Variants in KALRN observed in about 807,000 individuals in gnomAD.
KALRN encodes the protein kalirin.
Under a neutral mutation model 353.7 loss-of-function variants are expected in KALRN, and 70 were observed. The ratio of observed to expected loss-of-function variants is 0.20; its 90% confidence interval spans 0.16 to 0.24. The LOEUF (loss-of-function observed/expected upper bound fraction) is 0.24. KALRN is among the 10% of genes least tolerant of loss of function. The pLI, the probability that KALRN is intolerant of heterozygous loss-of-function variation, is 1.00. For missense variants in KALRN, 2,791 were observed against 3,756.7 expected, an observed-to-expected ratio of 0.74 and a Z score of 6.72; for synonymous variants, 1,391 against 1,434.8, an observed-to-expected ratio of 0.97 and a Z score of 0.69.
intron 11 of KALRN, among the ~76,000 whole-genome samples, chr3:124,389,593 T>C (rs889782999): frequency 4.6e-5 from 7 of 152,232 alleles, no homozygotes; most frequent in Non-Finnish European, 1.5e-5. Context: ...ATGTTTCACA[T>C]TGGGTGATTT....
chr3:124,289,745 G>A (rs2076265038), intron 5 of KALRN, among the ~76,000 whole-genome samples: 1 of 152,110 alleles, frequency 6.6e-6, no homozygotes, highest in Non-Finnish European at 1.5e-5. Context: ...AATTTATTTG[G>A]CTTCTTAATA....
chr3:124,165,123 C>T (rs1178684208), intron 1 of KALRN, among the ~76,000 whole-genome samples: 1 of 152,178 alleles, frequency 6.6e-6, no homozygotes, highest in African/African-American at 2.4e-5. Context: ...TAACATTGTT[C>T]AGAGTTTTAA....
At chr3:124,328,039 A>G (rs2080101989) in intron 7 of KALRN, among the ~76,000 whole-genome samples, 1 of 152,186 alleles carries the variant, frequency 6.6e-6, no homozygotes, top group East Asian at 1.9e-4. Flanking sequence ...TGCTTACTAA[A>G]CAGTGGACAT....
At chr3:124,424,338 C>T (rs891283387) in intron 15 of KALRN, among the ~76,000 whole-genome samples, 14 of 152,098 alleles carry the variant, frequency 9.2e-5, no homozygotes, top group Non-Finnish European at 1.9e-4. Flanking sequence ...CATGCTGAAA[C>T]TTTTGGAATT....
intron 33 of KALRN, among the ~76,000 whole-genome samples, chr3:124,546,509 G>A (rs2109427295): frequency 1.3e-5 from 2 of 152,194 alleles, no homozygotes; most frequent in Middle Eastern, 6.8e-3. Context: ...GCAGACAGTG[G>A]TGATTTTAAC....
At chr3:124,703,302 G>GA (rs1369299295) in intron 57 of KALRN, among the ~76,000 whole-genome samples, 2 of 151,768 alleles carry the variant, frequency 1.3e-5, no homozygotes, top group Non-Finnish European at 2.9e-5. Flanking sequence ...CCAAACAGAA[G>GA]AAAAAAAGCC....
intron 1 of KALRN, among the ~76,000 whole-genome samples, chr3:124,063,820 A>G (rs1033042797): frequency 7.9e-5 from 12 of 152,166 alleles, no homozygotes; most frequent in Non-Finnish European, 1.6e-4. Flanking sequence ...GGTGTTCCAT[A>G]TGTAAAGCAC....
intron 53 of KALRN, 80 bp from the exon 54 acceptor site, chr3:124,696,054 G>A: frequency 6.7e-7 from 1 of 1,500,854 alleles, no homozygotes; most frequent in Non-Finnish European, 9.2e-7. Flanking sequence ...AGCACACCAT[G>A]GGCCAACCCT....
At chr3:124,147,094 C>T (rs943421956) in intron 1 of KALRN, among the ~76,000 whole-genome samples, 3 of 152,000 alleles carry the variant, frequency 2.0e-5, no homozygotes, top group Admixed American at 2.0e-4. Context: ...CTTTGTTTTG[C>T]GAGGCTTGAA....
intron 1 of KALRN, among the ~76,000 whole-genome samples, chr3:124,168,637 C>G (rs908140643): frequency 1.3e-5 from 2 of 152,198 alleles, no homozygotes; most frequent in African/African-American, 4.8e-5. Flanking sequence ...AGAGGTGACT[C>G]TACCCTCTCT....
chr3:124,189,694 C>A (rs886913390), intron 1 of KALRN, among the ~76,000 whole-genome samples: 1 of 152,192 alleles, frequency 6.6e-6, no homozygotes, highest in South Asian at 2.1e-4. Flanking sequence ...AATCCTAGCA[C>A]CTTGGGAGGC....
At chr3:124,456,468 T>C (rs943041155) in intron 22 of KALRN, 142 bp from the exon 23 acceptor site, 1 of 504,852 alleles carries the variant, frequency 2.0e-6, no homozygotes, top group African/African-American at 1.9e-5. Flanking sequence ...AGAGTGCTTA[T>C]GGGTATGAGT....
chr3:124,489,198 T>G (rs1397613713), intron 29 of KALRN, among the ~76,000 whole-genome samples: 4 of 152,026 alleles, frequency 2.6e-5, no homozygotes, highest in Non-Finnish European at 4.4e-5. Context: ...TCCCAGCTAC[T>G]CGGGAGGCTG....
At chr3:124,301,687 G>T (rs931421985) in intron 6 of KALRN, among the ~76,000 whole-genome samples, 2 of 152,174 alleles carry the variant, frequency 1.3e-5, no homozygotes, top group African/African-American at 4.8e-5. Context: ...CTCTGGCCTG[G>T]GTGATGGATG....
intron 33 of KALRN, among the ~76,000 whole-genome samples, chr3:124,541,941 C>T (rs2069083391): frequency 6.6e-6 from 1 of 151,870 alleles, no homozygotes; most frequent in Non-Finnish European, 1.5e-5. Context: ...GAGATGGTGC[C>T]ACTGCACTCC....
At chr3:124,542,436 C>T (rs2069136423) in intron 33 of KALRN, among the ~76,000 whole-genome samples, 1 of 152,146 alleles carries the variant, frequency 6.6e-6, no homozygotes, top group Admixed American at 6.6e-5. Flanking sequence ...TATTATATTA[C>T]CTCCTGTAAG....
intron 33 of KALRN, among the ~76,000 whole-genome samples, chr3:124,562,482 C>T (rs116049322): frequency 0.013 from 1,981 of 152,140 alleles, 45 homozygotes; most frequent in African/African-American, 0.044. Context: ...AGGGGTTTAA[C>T]GGCACAATTA....
intron 6 of KALRN, among the ~76,000 whole-genome samples, chr3:124,321,265 A>G (rs752643949): frequency 2.6e-5 from 4 of 152,230 alleles, no homozygotes; most frequent in Non-Finnish European, 4.4e-5. Flanking sequence ...GGATTCAAAT[A>G]ATACCTTCTC....
intron 17 of KALRN, among the ~76,000 whole-genome samples, chr3:124,436,384 C>G (rs1367392697): frequency 6.6e-6 from 1 of 152,214 alleles, no homozygotes; most frequent in Non-Finnish European, 1.5e-5. Context: ...TGGGACAGAT[C>G]TCAAGTACTC....
Sources: allele counts gnomAD v4.1 joint callset (sites outside exome capture counted in the v4.1 genomes callset), GRCh38; gene constraint gnomAD v4.1.1; transcripts MANE v1.5; gene names NCBI Gene and HGNC (gene_info 2026-07-23, HGNC 2026-07-21).